The following UBE2E2 variants were observed in gnomAD, a reference collection of about 807,000 sequenced individuals.
The protein encoded by UBE2E2 is ubiquitin conjugating enzyme E2 E2, also known as ubiquitin-conjugating enzyme E2 E2.
In UBE2E2, 6 loss-of-function variants were observed where a neutral mutation model predicts 24.7. That is an observed-to-expected ratio of 0.24 (90% CI 0.13 to 0.48). UBE2E2 has a LOEUF of 0.48. Among genes scored for constraint, UBE2E2 ranks in the 20% least tolerant of loss-of-function variants. UBE2E2 has a pLI of 0.99. For synonymous variants in UBE2E2, 104 were observed against 83.6 expected (o/e 1.24, Z -1.33); for missense variants, 169 against 245.0 (o/e 0.69, Z 2.07).
chr3:23,414,484 C>T (rs999159706), intron 3 of UBE2E2, among the ~76,000 whole-genome samples: 3 of 152,328 alleles, frequency 2.0e-5, no homozygotes, highest in African/African-American at 4.8e-5. Flanking sequence ...ATCGAGTCAC[C>T]ACCTACCAGG....
At chr3:23,336,525 A>G (rs1278485929) in intron 3 of UBE2E2, among the ~76,000 whole-genome samples, 11 of 152,242 alleles carry the variant, frequency 7.2e-5, no homozygotes, top group Admixed American at 6.5e-4. Context: ...CAGAACATCT[A>G]AAAATTTCCA....
At chr3:23,298,747 C>T (rs1364502592) in intron 3 of UBE2E2, among the ~76,000 whole-genome samples, 1 of 151,756 alleles carries the variant, frequency 6.6e-6, no homozygotes, top group Non-Finnish European at 1.5e-5. Context: ...GTCTAAAATT[C>T]TCTTTTTTGG....
At chr3:23,557,504 T>A (rs1695819433) in intron 5 of UBE2E2, among the ~76,000 whole-genome samples, 1 of 152,116 alleles carries the variant, frequency 6.6e-6, no homozygotes, top group Non-Finnish European at 1.5e-5. Flanking sequence ...CCATGCTTCC[T>A]CACACTGGGA....
chr3:23,464,631 A>T (rs373585346), intron 3 of UBE2E2, among the ~76,000 whole-genome samples: 3 of 152,298 alleles, frequency 2.0e-5, no homozygotes, highest in East Asian at 3.9e-4. Context: ...AAATTTAATT[A>T]TGTAGTACCT....
At chr3:23,227,051 GA>G (rs1452724543) in intron 3 of UBE2E2, among the ~76,000 whole-genome samples, 2 of 151,960 alleles carry the variant, frequency 1.3e-5, no homozygotes, top group Non-Finnish European at 2.9e-5. Flanking sequence ...GGTTTTGAGA[GA>G]CAAAATTAAT....
intron 3 of UBE2E2, among the ~76,000 whole-genome samples, chr3:23,436,348 T>C (rs377402216): frequency 2.6e-5 from 4 of 152,230 alleles, no homozygotes; most frequent in East Asian, 3.8e-4. Context: ...ATTTTTCTTC[T>C]TGCCAGAATG....
chr3:23,448,933 C>T (rs1177082580), intron 3 of UBE2E2, among the ~76,000 whole-genome samples: 3 of 152,182 alleles, frequency 2.0e-5, no homozygotes, highest in Non-Finnish European at 4.4e-5. Context: ...CTTCTGTCTC[C>T]TTTCTTGGAG....
intron 3 of UBE2E2, among the ~76,000 whole-genome samples, chr3:23,498,100 CTA>C (rs1258208972): frequency 1.3e-5 from 2 of 151,870 alleles, no homozygotes; most frequent in African/African-American, 2.4e-5. Context: ...TTGGAAATGT[CTA>C]TGTCTTTTTT....
At chr3:23,377,207 C>T (rs1433874544) in intron 3 of UBE2E2, among the ~76,000 whole-genome samples, 1 of 152,120 alleles carries the variant, frequency 6.6e-6, no homozygotes, top group Non-Finnish European at 1.5e-5. Context: ...CTGTTATTTG[C>T]ACTGTACTCC....
intron 5 of UBE2E2, among the ~76,000 whole-genome samples, chr3:23,571,526 G>T (rs998683840): frequency 1.3e-5 from 2 of 151,764 alleles, no homozygotes. Context: ...CTGACCTCGT[G>T]ATCCGCCCAT....
chr3:23,345,451 G>C (rs1401955807), intron 3 of UBE2E2, among the ~76,000 whole-genome samples: 1 of 152,114 alleles, frequency 6.6e-6, no homozygotes, highest in Non-Finnish European at 1.5e-5. Context: ...TACCATAAGT[G>C]GTTTAAAATA....
At chr3:23,574,474 A>C (rs1009338969) in intron 5 of UBE2E2, among the ~76,000 whole-genome samples, 60 of 152,186 alleles carry the variant, frequency 3.9e-4, no homozygotes, top group African/African-American at 1.4e-3. Flanking sequence ...CCCATGCCTT[A>C]TCAGAGTATC....
intron 3 of UBE2E2, among the ~76,000 whole-genome samples, chr3:23,226,761 G>A (rs559069103): frequency 1.3e-5 from 2 of 152,258 alleles, no homozygotes; most frequent in South Asian, 2.1e-4. Context: ...TAGGAAGGGT[G>A]TTAAAATTAC....
intron 3 of UBE2E2, among the ~76,000 whole-genome samples, chr3:23,485,525 TAAAAC>T (rs1487387495): frequency 6.6e-6 from 1 of 151,914 alleles, no homozygotes; most frequent in African/African-American, 2.4e-5. Flanking sequence ...CTTCCCCTAT[TAAAAC>T]AAAAACAAAA....
intron 3 of UBE2E2, among the ~76,000 whole-genome samples, chr3:23,263,602 C>T (rs1052220525): frequency 3.9e-5 from 6 of 152,070 alleles, no homozygotes; most frequent in South Asian, 2.1e-4. Context: ...GAGGGCCTTT[C>T]GTTTAAGAGC....
At chr3:23,417,319 C>T (rs920358128) in intron 3 of UBE2E2, among the ~76,000 whole-genome samples, 1 of 152,212 alleles carries the variant, frequency 6.6e-6, no homozygotes, top group African/African-American at 2.4e-5. Flanking sequence ...TGCTGCAGGT[C>T]TGCTGGAGTT....
intron 3 of UBE2E2, among the ~76,000 whole-genome samples, chr3:23,293,511 G>A (rs1259054160): frequency 2.0e-5 from 3 of 152,046 alleles, no homozygotes; most frequent in Admixed American, 6.6e-5. Flanking sequence ...GAGATAATAC[G>A]GTCTTACGTT....
At chr3:23,500,572 T>C (rs1699699507) in intron 4 of UBE2E2, among the ~76,000 whole-genome samples, 1 of 152,218 alleles carries the variant, frequency 6.6e-6, no homozygotes, top group Non-Finnish European at 1.5e-5. Flanking sequence ...AGAATTCTCG[T>C]CTGGCCCTGA....
chr3:23,313,364 T>C (rs945919117), intron 3 of UBE2E2, among the ~76,000 whole-genome samples: 2 of 151,078 alleles, frequency 1.3e-5, no homozygotes, highest in African/African-American at 4.9e-5. Flanking sequence ...GTGTGTTTCT[T>C]GTAGGCAATG....
Sources: gnomAD v4.1 joint callset for allele counts (sites outside exome capture counted in the v4.1 genomes callset) on GRCh38, gnomAD v4.1.1 for gene constraint, MANE v1.5 for transcripts, NCBI Gene and HGNC (gene_info 2026-07-23, HGNC 2026-07-21) for gene names.